SGCD: variants seen among roughly 807,000 people sequenced by gnomAD.
SGCD encodes delta-sarcoglycan.
SGCD carries 18 observed loss-of-function variants against 36.6 expected under a neutral mutation model. The observed-to-expected ratio is 0.49, with a 90% confidence interval of 0.34 to 0.73. SGCD has a LOEUF of 0.73. Ranked by LOEUF, SGCD falls within the 30% of genes least tolerant of loss-of-function variation. The pLI, the probability that SGCD is intolerant of heterozygous loss-of-function variation, is 0.01. For synonymous variants in SGCD, 133 were observed against 130.6 expected (o/e 1.02, Z -0.12); for missense variants, 387 against 346.7 (o/e 1.12, Z -0.92).
At chr5:156,014,036 A>G (rs1267806926) in intron 1 of SGCD, among the ~76,000 whole-genome samples, 1 of 151,542 alleles carries the variant, frequency 6.6e-6, no homozygotes, top group Non-Finnish European at 1.5e-5. Context: ...TCCTTCTAGC[A>G]TTTTGCTGGA....
chr5:156,713,410 C>T (rs157351), intron 7 of SGCD, among the ~76,000 whole-genome samples: 118,919 of 144,910 alleles, frequency 0.82, 48,754 homozygotes, highest in East Asian at 0.95. Context: ...TTGAACATGT[C>T]GGGGGGGGCG....
At chr5:156,073,311 A>G (rs903645162) in intron 1 of SGCD, among the ~76,000 whole-genome samples, 4 of 152,146 alleles carry the variant, frequency 2.6e-5, no homozygotes, top group African/African-American at 9.7e-5. Context: ...TAATCCTAGC[A>G]CTTTGGGAGG....
intron 3 of SGCD, among the ~76,000 whole-genome samples, chr5:156,226,551 A>G (rs1764864876): frequency 6.6e-6 from 1 of 152,164 alleles, no homozygotes; most frequent in Admixed American, 6.6e-5. Flanking sequence ...TCTTTTTCAT[A>G]TAATGACTTC....
intron 6 of SGCD, among the ~76,000 whole-genome samples, chr5:156,598,935 C>A (rs995481810): frequency 2.6e-5 from 4 of 152,176 alleles, no homozygotes; most frequent in African/African-American, 4.8e-5. Flanking sequence ...TCATTTAGAG[C>A]ATAATGTAGG....
At chr5:156,097,159 A>C (rs1197514659) in intron 1 of SGCD, among the ~76,000 whole-genome samples, 4 of 151,182 alleles carry the variant, frequency 2.6e-5, no homozygotes, top group Admixed American at 6.6e-5. Flanking sequence ...TTTCATGTTT[A>C]ATTATTATAT....
At chr5:156,627,343 A>G (rs1402600984) in intron 6 of SGCD, among the ~76,000 whole-genome samples, 1 of 152,132 alleles carries the variant, frequency 6.6e-6, no homozygotes, top group Admixed American at 6.5e-5. Context: ...TTTGAGAACT[A>G]TAAAAACAGA....
At chr5:156,015,447 T>C (rs1053185329) in intron 1 of SGCD, among the ~76,000 whole-genome samples, 1 of 152,024 alleles carries the variant, frequency 6.6e-6, no homozygotes, top group African/African-American at 2.4e-5. Flanking sequence ...CAGAAGCATA[T>C]ATATGTATAT....
chr5:156,505,478 G>A (rs1482464531), intron 3 of SGCD, among the ~76,000 whole-genome samples: 1 of 152,192 alleles, frequency 6.6e-6, no homozygotes, highest in Non-Finnish European at 1.5e-5. Context: ...CAGCACAATA[G>A]CAATGGCAGA....
the SGCD span, among the ~76,000 whole-genome samples, chr5:155,733,823 T>C: frequency 1.3e-5 from 2 of 152,078 alleles, no homozygotes; most frequent in Non-Finnish European, 2.9e-5. Flanking sequence ...TCATCAAGTC[T>C]CCATTTCTTC....
At chr5:156,129,991 T>A (rs1762272627) in intron 3 of SGCD, among the ~76,000 whole-genome samples, 1 of 152,236 alleles carries the variant, frequency 6.6e-6, no homozygotes, top group South Asian at 2.1e-4. Context: ...TTTATATTCC[T>A]CTAGGTATAT....
chr5:155,738,008 C>T, the SGCD span, among the ~76,000 whole-genome samples: 22 of 152,154 alleles, frequency 1.4e-4, no homozygotes, highest in South Asian at 3.7e-3. Context: ...AGATCCTGGA[C>T]GAGGGAAGAA....
chr5:156,767,441 C>G lies in SGCD; in HGVS notation c.*8051C>G, dbSNP rs1581548919. The G allele has an allele frequency of 8.4e-6, 1 of 119,438 alleles. No individual in the cohort carries two copies. Among genetic ancestry groups the G allele is most frequent in the Non-Finnish European group, 1.7e-5 (1 of 60,288 alleles). The allele number at this position is 119,438 out of a possible 1,614,324, so 7.4% of individuals were successfully genotyped here. A position where few individuals can be genotyped will look rare whatever the true frequency, so the allele number is the denominator to read the frequency against. ...GAAGCCGGATTCTGATGTTCTTAAC[C>G]AAAATGGTGAGGTCATGGAAGTCCC... On this transcript the variant is annotated 3_prime_UTR_variant, in exon 9 of 9. Coordinates refer to ENST00000337851, the MANE Select transcript of SGCD (RefSeq NM_000337.6).
intron 3 of SGCD, among the ~76,000 whole-genome samples, chr5:156,137,404 A>C (rs1561535092): frequency 6.6e-6 from 1 of 152,322 alleles, no homozygotes; most frequent in South Asian, 2.1e-4. Context: ...GAACATGGAG[A>C]ACATGTAGAA....
chr5:156,528,331 T>C (rs1757727789), intron 4 of SGCD, among the ~76,000 whole-genome samples: 2 of 152,204 alleles, frequency 1.3e-5, no homozygotes, highest in Admixed American at 6.5e-5. Flanking sequence ...GAATAGTGCA[T>C]TGGATGTAGA....
the SGCD span, among the ~76,000 whole-genome samples, chr5:155,771,588 A>AT: frequency 4.0e-5 from 6 of 150,202 alleles, no homozygotes; most frequent in South Asian, 2.1e-4. Context: ...GCCCGGCTAA[A>AT]TTTTTTTTTT....
At chr5:155,782,576 A>C in the SGCD span, among the ~76,000 whole-genome samples, 1 of 152,092 alleles carries the variant, frequency 6.6e-6, no homozygotes, top group Admixed American at 6.6e-5. Flanking sequence ...TCTTATACTG[A>C]AAAGGAGTTT....
the SGCD span, among the ~76,000 whole-genome samples, chr5:155,745,386 G>A: frequency 5.9e-5 from 9 of 152,188 alleles, no homozygotes; most frequent in African/African-American, 1.9e-4. Context: ...CTAATCAAAT[G>A]CAGAATCCTA....
At chr5:155,769,179 A>T in the SGCD span, among the ~76,000 whole-genome samples, 1 of 152,116 alleles carries the variant, frequency 6.6e-6, no homozygotes, top group South Asian at 2.1e-4. Flanking sequence ...CACATGTATA[A>T]TATTACATTG....
At chr5:156,272,360 T>C (rs1311715512) in intron 3 of SGCD, among the ~76,000 whole-genome samples, 1 of 152,234 alleles carries the variant, frequency 6.6e-6, no homozygotes, top group East Asian at 1.9e-4. Context: ...CGTCATTCCT[T>C]TCTATGGCAG....
Sources: allele counts gnomAD v4.1 joint callset (sites outside exome capture counted in the v4.1 genomes callset), GRCh38; gene constraint gnomAD v4.1.1; transcripts MANE v1.5; gene names NCBI Gene and HGNC (gene_info 2026-07-23, HGNC 2026-07-21).